COL4A1: variants seen among roughly 807,000 people sequenced by gnomAD.
COL4A1 encodes collagen alpha-1(IV) chain.
Under a neutral mutation model 216.6 loss-of-function variants are expected in COL4A1, and 40 were observed. The ratio of observed to expected loss-of-function variants is 0.18; its 90% CI spans 0.14 to 0.24. The LOEUF (loss-of-function observed/expected upper bound fraction) is 0.24, where lower values mean the gene tolerates loss of function less well. Ranked by LOEUF, COL4A1 falls within the 10% of genes least tolerant of loss-of-function variation. The pLI, the probability that COL4A1 is intolerant of heterozygous loss-of-function variation, is 1.00. For synonymous variants in COL4A1, 839 were observed against 810.7 expected (o/e 1.03, Z -0.59); for missense variants, 1,628 against 2,196.8 (o/e 0.74, Z 5.18).
chr13:110,265,157 G>A (rs1882978816), intron 1 of COL4A1: 1 of 152,222 alleles, frequency 6.6e-6, no homozygotes, highest in Non-Finnish European at 1.5e-5. Flanking sequence ...TGAGTGGAGT[G>A]TGACCTCACT....
rs180971497 is a variant in COL4A1, at chr13:110,258,436, C to T, written c.85-15702G>A. ...ACGCCTGTAGTCCCAGATACTCGGGCGGCTAAGGCAGGAGAATCGCTTGAA... is the reference window on the plus strand; with the variant it reads ...ACGCCTGTAGTCCCAGATACTCGGGTGGCTAAGGCAGGAGAATCGCTTGAA... On this transcript the variant is annotated intron_variant, in intron 1 of 51. Transcript: ENST00000375820. Among the ~76,000 whole-genome samples the T allele has an allele frequency of 3.0e-3, 450 of 152,110 alleles. 4 individuals carry two copies. The highest frequency in any genetic ancestry group is 0.01 in the African/African-American group (431 of 41,474).
chr13:110,298,563 C>T (rs1340153450), intron 1 of COL4A1: 1 of 152,190 alleles, frequency 6.6e-6, no homozygotes, highest in East Asian at 1.9e-4. Context: ...TTGTATAGGC[C>T]ATTTCCGGAC....
At position 110,163,449 on chromosome 13, in the gene COL4A1, G is replaced by A; in HGVS notation, c.4249+14C>T. On this transcript the variant is annotated intron_variant, in intron 47 of 51. Coordinates refer to ENST00000375820, the MANE Select transcript of COL4A1 (RefSeq NM_001845.6). ...CTGGTCAAGGGTAATTACGTTGGAA[G>A]TTTCGCAACCTACCAGTAGGCCCGG... is the stretch of plus-strand genomic sequence containing the variant. 1.2e-6 allele frequency: 2 copies of A among 1,613,526 alleles called. No individual in the cohort carries two copies. Among genetic ancestry groups the A allele is most frequent in the East Asian group, 2.2e-5 (1 of 44,866 alleles).
At chr13:110,279,693 G>A (rs1176411153) in intron 1 of COL4A1, among the ~76,000 whole-genome samples, 2 of 152,144 alleles carry the variant, frequency 1.3e-5, no homozygotes, top group African/African-American at 4.8e-5. Context: ...ATTTGCTTCA[G>A]GTAGTTTTTC....
chr13:110,267,271 G>A (rs1883077675), intron 1 of COL4A1, among the ~76,000 whole-genome samples: 2 of 152,284 alleles, frequency 1.3e-5, no homozygotes, highest in South Asian at 4.1e-4. Flanking sequence ...AGTGGAGGGA[G>A]GAGGGGCAGG....
Position 110,176,666 on chromosome 13 carries a change from C to T in COL4A1, c.2928G>A (p.Val976=). The T allele has an allele frequency of 1.2e-6, 2 of 1,614,214 alleles. No homozygotes were observed. The highest frequency in any genetic ancestry group is 2.2e-5 in the East Asian group (1 of 44,876). The change falls in exon 35 of 52, where the codon GTG becomes GTA. Residue 976 remains valine (V), a synonymous_variant. Transcript: ENST00000375820. ...GTCCTGCCTGCCCGTCCTTTCCAGGCACTCCTGGGGTCCCAGGGTCTCCTC... is the reference window on the plus strand; with the variant it reads ...GTCCTGCCTGCCCGTCCTTTCCAGGTACTCCTGGGGTCCCAGGGTCTCCTC... ...GSRGDPGTPG[V]PGKDGQAGQP... is the part of the protein sequence containing the mutation.
intron 1 of COL4A1, among the ~76,000 whole-genome samples, chr13:110,285,664 T>C (rs1032577240): frequency 6.6e-6 from 1 of 152,172 alleles, no homozygotes; most frequent in Admixed American, 6.5e-5. Flanking sequence ...ACTCAAGCCA[T>C]TGAGAGCCTG....
chr13:110,283,052 A>G (rs574473371), intron 1 of COL4A1, among the ~76,000 whole-genome samples: 3 of 150,310 alleles, frequency 2.0e-5, no homozygotes, highest in Admixed American at 6.6e-5. Flanking sequence ...AAGCAATTGC[A>G]TGGTATCTTT....
chr13:110,164,911 G>C lies in COL4A1; in HGVS notation c.4101C>G (p.Pro1367=), dbSNP rs948658310. 3 of 1,607,768 alleles carry C rather than the reference G, an allele frequency of 1.9e-6. No homozygotes were observed. The East Asian group carries it at 6.7e-5, about 36-fold the overall frequency. The change falls in exon 46 of 52, where the codon CCC becomes CCG. Residue 1367 remains proline (P), a synonymous_variant. Coordinates refer to ENST00000375820, the MANE Select transcript of COL4A1 (RefSeq NM_001845.6). ...GTCCCTGAAGCCCTTTCAGCCCTGG[G>C]GGGCCCTCAGGACCAGGGAGCCCGG... ...GEPGLPGPEG[P]PGLKGLQGLP...
intron 17 of COL4A1, 94 bp from the exon 18 acceptor site, chr13:110,203,701 G>A (rs758397574): frequency 6.0e-5 from 78 of 1,302,888 alleles, no homozygotes; most frequent in Non-Finnish European, 7.9e-5. Flanking sequence ...AAAATAGAGT[G>A]TGCCTACAGT....
At chr13:110,239,713 G>A (rs898761843) in intron 2 of COL4A1, among the ~76,000 whole-genome samples, 1 of 152,162 alleles carries the variant, frequency 6.6e-6, no homozygotes, top group African/African-American at 2.4e-5. Context: ...TATGCAGAAG[G>A]TGGCAGGAAG....
Position 110,150,370 on chromosome 13 carries a change from C to G in COL4A1, c.5003G>C (p.Arg1668Thr), listed in dbSNP as rs751180466. 4 of 1,613,890 alleles carry G rather than the reference C, an allele frequency of 2.5e-6. No individual in the cohort carries two copies. The highest frequency in any genetic ancestry group is 2.5e-6 in the Non-Finnish European group (3 of 1,179,896). Residue 1668 changes from arginine (R) to threonine (T), a missense_variant, in exon 52 of 52, where the codon AGA becomes ACA. Physicochemically the swap from Arg to Thr is moderately conservative, Grantham distance 71. Transcript: ENST00000375820. ...HVSRCQVCMR[R>T]T ...TAGCTGAGTCAGGCTTCATTATGTT[C>G]TTCTCATACAGACTTGGCAGCGGCT... is the stretch of plus-strand genomic sequence containing the variant.
chr13:110,171,595 T>C (rs1026740339), intron 41 of COL4A1, among the ~76,000 whole-genome samples: 14 of 152,192 alleles, frequency 9.2e-5, no homozygotes, highest in African/African-American at 3.4e-4. Context: ...CTAAGGTTAT[T>C]TCCAAAACAA....
chr13:110,221,761 T>C (rs187507333), intron 2 of COL4A1, among the ~76,000 whole-genome samples: 263 of 152,354 alleles, frequency 1.7e-3, no homozygotes, highest in Middle Eastern at 3.4e-3. Context: ...TCCAAAGCAG[T>C]ACTCCGTTTC....
At chr13:110,174,391 C>A in intron 39 of COL4A1, 55 bp downstream of exon 39, 1 of 1,597,184 alleles carries the variant, frequency 6.3e-7, no homozygotes, top group East Asian at 2.2e-5. Flanking sequence ...GGCCTCCCAT[C>A]CCCTGGCCAC....
chr13:110,162,173 C>T, intron 48 of COL4A1, 57 bp downstream of exon 48: 3 of 1,493,966 alleles, frequency 2.0e-6, no homozygotes, highest in Non-Finnish European at 9.3e-7. Context: ...GCACTGCACA[C>T]CGAAGGCACT....
At chr13:110,209,117 TAC>T (rs1235715522) in intron 11 of COL4A1, among the ~76,000 whole-genome samples, 3 of 149,930 alleles carry the variant, frequency 2.0e-5, no homozygotes, top group Non-Finnish European at 3.0e-5. Flanking sequence ...TTTAAAAATT[TAC>T]AGTTTTTAAA....
chr13:110,163,324 T>G, intron 47 of COL4A1, 139 bp downstream of exon 47: 1 of 759,212 alleles, frequency 1.3e-6, no homozygotes, highest in East Asian at 2.7e-5. Context: ...ATTCTATTTC[T>G]TCTAAGAAAC....
At chr13:110,296,457 C>T (rs781014406) in intron 1 of COL4A1, among the ~76,000 whole-genome samples, 3 of 152,182 alleles carry the variant, frequency 2.0e-5, no homozygotes, top group Admixed American at 1.3e-4. Context: ...ATACGAATAT[C>T]GATAGTATAA....
Sources: allele counts gnomAD v4.1 joint callset (sites outside exome capture counted in the v4.1 genomes callset), GRCh38; gene constraint gnomAD v4.1.1; transcripts MANE v1.5; gene names NCBI Gene and HGNC (gene_info 2026-07-23, HGNC 2026-07-21).